The following RBFOX1 variants were observed in gnomAD, a reference collection of about 807,000 sequenced individuals.
RBFOX1 encodes the protein RNA binding fox-1 homolog 1, also known as RNA binding protein fox-1 homolog 1.
A neutral mutation model predicts 57.7 loss-of-function variants in RBFOX1; 8 were observed. The observed-to-expected ratio is 0.14, with a 90% CI of 0.08 to 0.25. RBFOX1 has a LOEUF of 0.25. Ranked by LOEUF, RBFOX1 falls within the 10% of genes least tolerant of loss-of-function variation. RBFOX1 has a pLI of 1.00. For missense variants in RBFOX1, 611 were observed against 548.5 expected, an observed-to-expected ratio of 1.11 and a Z score of -1.14; for synonymous variants, 326 against 222.4, an observed-to-expected ratio of 1.47 and a Z score of -4.15.
intron 2 of RBFOX1, among the ~76,000 whole-genome samples, chr16:6,398,187 T>A (rs2092919231): frequency 6.6e-6 from 1 of 152,114 alleles, no homozygotes; most frequent in Non-Finnish European, 1.5e-5. Flanking sequence ...GAGAACAGCA[T>A]CAGGGTCACC....
In RBFOX1 at chr16:5,945,277, A is replaced by T. The variant is rs192026705; in HGVS notation, c.351+77942A>T. Among the ~76,000 whole-genome samples, 186 of 152,330 alleles carry T rather than the reference A, an allele frequency of 1.2e-3. 2 individuals are homozygous for T. In the Middle Eastern group the frequency reaches 0.02, roughly 17 times the overall value. Reference sequence around the variant, plus strand: ...TTGGTTTTAGCTAGCAGACACGAGGACCCACACATGGTCTGATGTTGTGTC... The same window carrying T: ...TTGGTTTTAGCTAGCAGACACGAGGTCCCACACATGGTCTGATGTTGTGTC... On this transcript the variant is annotated intron_variant, in intron 4 of 19. Coordinates refer to the RBFOX1 transcript ENST00000641259.
intron 1 of RBFOX1, among the ~76,000 whole-genome samples, chr16:6,115,094 A>C (rs936053845): frequency 6.6e-6 from 1 of 151,336 alleles, no homozygotes; most frequent in African/African-American, 2.5e-5. Context: ...TTTGTAAACT[A>C]TCATAACACT....
intron 1 of RBFOX1, among the ~76,000 whole-genome samples, chr16:5,418,701 G>T (rs142999475): frequency 2.6e-5 from 4 of 151,666 alleles, no homozygotes; most frequent in Non-Finnish European, 5.9e-5. Context: ...GCTTTCATTC[G>T]ACTCCCTCTC....
intron 5 of RBFOX1, among the ~76,000 whole-genome samples, chr16:7,545,946 C>A (rs2084352954): frequency 6.6e-6 from 1 of 151,194 alleles, no homozygotes; most frequent in African/African-American, 2.4e-5. Context: ...TGTGAGCATG[C>A]CTTAGAAATT....
chr16:6,270,192 TA>T (rs59113414), intron 1 of RBFOX1, among the ~76,000 whole-genome samples: 80,655 of 148,908 alleles, frequency 0.54, 24,905 homozygotes, highest in East Asian at 0.82. Flanking sequence ...AAAGAACAAA[TA>T]AAAAAAAAAG....
chr16:6,978,468 T>A (rs1000324225), intron 3 of RBFOX1, among the ~76,000 whole-genome samples: 2 of 152,164 alleles, frequency 1.3e-5, no homozygotes, highest in Non-Finnish European at 2.9e-5. Context: ...ACTTATTACG[T>A]TTTCATTACA....
intron 14 of RBFOX1, among the ~76,000 whole-genome samples, chr16:7,700,046 C>G (rs188449992): frequency 6.6e-6 from 1 of 152,110 alleles, no homozygotes; most frequent in South Asian, 2.1e-4. Flanking sequence ...GGTTCAGGGC[C>G]CAGAACCTCC....
At chr16:5,408,193 G>A (rs1352026624) in intron 1 of RBFOX1, among the ~76,000 whole-genome samples, 1 of 152,190 alleles carries the variant, frequency 6.6e-6, no homozygotes, top group East Asian at 1.9e-4. Context: ...AGAGCCAGGA[G>A]GAGGCTTTTA....
At chr16:5,485,030 A>G (rs1273216947) in intron 2 of RBFOX1, among the ~76,000 whole-genome samples, 1 of 151,508 alleles carries the variant, frequency 6.6e-6, no homozygotes, top group African/African-American at 2.4e-5. Flanking sequence ...CTGCACTGCA[A>G]CCTAGGTGAG....
In RBFOX1 at chr16:6,733,899, C is replaced by T. The variant is rs11860547; in HGVS notation, c.-16+79249C>T. 6.1e-3 allele frequency among the ~76,000 whole-genome samples: 928 copies of T among 152,316 alleles called. 12 individuals carry two copies. Among genetic ancestry groups the T allele is most frequent in the African/African-American group, 0.021 (866 of 41,584 alleles). On this transcript the variant is annotated intron_variant, in intron 3 of 15. Coordinates refer to ENST00000550418, the MANE Select transcript of RBFOX1 (RefSeq NM_018723.4). ...CCAGTGTTGGTTCTGATTGTCAGCG[C>T]TATGCTGTACAGGGTTTCAGTTCTT...
chr16:7,485,675 C>G (rs1049319988), intron 4 of RBFOX1, among the ~76,000 whole-genome samples: 5 of 152,180 alleles, frequency 3.3e-5, no homozygotes, highest in Admixed American at 6.5e-5. Flanking sequence ...TAACTGACAT[C>G]TATTTTGTTA....
chr16:5,310,320 G>A (rs1218824857), intron 1 of RBFOX1, among the ~76,000 whole-genome samples: 1 of 152,108 alleles, frequency 6.6e-6, no homozygotes, highest in Non-Finnish European at 1.5e-5. Context: ...AGAATTGCTT[G>A]AACTCAGGAG....
chr16:7,424,286 G>T (rs1196725306), intron 4 of RBFOX1, among the ~76,000 whole-genome samples: 2 of 150,586 alleles, frequency 1.3e-5, no homozygotes, highest in Non-Finnish European at 3.0e-5. Flanking sequence ...GGGGGTGGGG[G>T]TCTAGCTCTG....
intron 3 of RBFOX1, among the ~76,000 whole-genome samples, chr16:6,937,917 G>C (rs979051303): frequency 7.4e-6 from 1 of 134,558 alleles, no homozygotes; most frequent in African/African-American, 2.8e-5. Flanking sequence ...ATCATGGTCT[G>C]AATCAGTTTT....
chr16:6,074,754 A>G (rs1348008704), intron 1 of RBFOX1, among the ~76,000 whole-genome samples: 1 of 152,198 alleles, frequency 6.6e-6, no homozygotes, highest in Non-Finnish European at 1.5e-5. Context: ...TGGACAATGC[A>G]GAGGCAGCAC....
intron 4 of RBFOX1, among the ~76,000 whole-genome samples, chr16:7,157,171 A>G (rs1251867754): frequency 2.6e-5 from 4 of 152,194 alleles, no homozygotes; most frequent in Non-Finnish European, 5.9e-5. Flanking sequence ...TCACCTGAGC[A>G]TCGTTTCAGC....
intron 1 of RBFOX1, among the ~76,000 whole-genome samples, chr16:6,029,020 C>T (rs2095247931): frequency 1.3e-5 from 2 of 152,292 alleles, no homozygotes; most frequent in South Asian, 4.1e-4. Context: ...ATTCTGTCTC[C>T]AAGGATGGCT....
At chr16:7,029,264 ATACG>A (rs1343478202) in intron 3 of RBFOX1, among the ~76,000 whole-genome samples, 3 of 134,798 alleles carry the variant, frequency 2.2e-5, no homozygotes, top group African/African-American at 8.4e-5. Flanking sequence ...ACACATATAT[ATACG>A]TATACGTATA....
chr16:5,448,046 G>T (rs1335329217), intron 1 of RBFOX1, among the ~76,000 whole-genome samples: 1 of 152,180 alleles, frequency 6.6e-6, no homozygotes, highest in Non-Finnish European at 1.5e-5. Flanking sequence ...GGGGGAACAG[G>T]CTATCATGGG....
Sources: gnomAD v4.1 joint callset for allele counts (sites outside exome capture counted in the v4.1 genomes callset) on GRCh38, gnomAD v4.1.1 for gene constraint, MANE v1.5 for transcripts, NCBI Gene and HGNC (gene_info 2026-07-23, HGNC 2026-07-21) for gene names.